The following SLC39A11 variants were observed in gnomAD, a reference collection of about 807,000 sequenced individuals.
SLC39A11 encodes solute carrier family 39 member 11.
A neutral mutation model predicts 36.1 loss-of-function variants in SLC39A11; 33 were observed. That is an observed-to-expected ratio of 0.91 (90% CI 0.69 to 1.22). The LOEUF (loss-of-function observed/expected upper bound fraction) is 1.22, where lower values mean the gene tolerates loss of function less well. SLC39A11 is among the 50% of genes most tolerant of loss of function. The pLI, the probability that SLC39A11 is intolerant of heterozygous loss-of-function variation, is 0.00. For synonymous variants in SLC39A11, 166 were observed against 170.3 expected (o/e 0.97, Z 0.20); for missense variants, 432 against 430.3 (o/e 1.00, Z -0.03).
At chr17:73,051,937 T>C (rs901638650) in intron 3 of SLC39A11, among the ~76,000 whole-genome samples, 4 of 150,390 alleles carry the variant, frequency 2.7e-5, no homozygotes, top group Non-Finnish European at 5.9e-5. Flanking sequence ...TCAAAGAAAA[T>C]GTATCATCAG....
At position 73,008,089 on chromosome 17, in the gene SLC39A11, C is replaced by A. The variant is rs143691665; in HGVS notation, c.306+23467G>T. Among the ~76,000 whole-genome samples the A allele has an allele frequency of 1.7e-3, 201 of 120,954 alleles. 1 individual carries two copies. Among genetic ancestry groups the A allele is most frequent in the African/African-American group, 5.0e-3 (187 of 37,256 alleles). 79.4% of individuals were successfully genotyped at this position (120,954 alleles called of 152,430 possible). The stretch of plus-strand genomic sequence containing the variant: ...CTGCACTCCAGCCTGGGTGACAGAG[C>A]GAGACTCAGTCTCAAAAAAAAGAAA... On this transcript the variant is annotated intron_variant, in intron 4 of 9. Transcript: ENST00000255559.
Position 72,846,018 on chromosome 17 carries a change from C to CTTTTTTTTTTTTTT in SLC39A11, c.601+3602_601+3615dup, listed in dbSNP as rs569100122. On this transcript the variant is annotated intron_variant, in intron 6 of 9. Coordinates refer to ENST00000255559, the MANE Select transcript of SLC39A11 (RefSeq NM_139177.4). ...CCAATGAATCTCTCTCTCTCTCTCT[C>CTTTTTTTTTTTTTT]TTTTTTTTTTTTTTTTTTTTTTTTT... is the stretch of plus-strand genomic sequence containing the variant. Among the ~76,000 whole-genome samples the CTTTTTTTTTTTTTT allele has an allele frequency of 1.4e-3, 84 of 57,954 alleles. 18 individuals carry two copies. Among genetic ancestry groups the CTTTTTTTTTTTTTT allele is most frequent in the East Asian group, 1.8e-3 (3 of 1,712 alleles). 38.0% of individuals were successfully genotyped at this position (57,954 alleles called of 152,430 possible).
intron 3 of SLC39A11, among the ~76,000 whole-genome samples, chr17:73,033,091 AC>A (rs896630315): frequency 6.6e-6 from 1 of 152,226 alleles, no homozygotes; most frequent in Non-Finnish European, 1.5e-5. Flanking sequence ...TAAGGAGCTC[AC>A]AACCTAGATC....
At chr17:73,090,904 C>T (rs1038789960) in intron 1 of SLC39A11, among the ~76,000 whole-genome samples, 3 of 152,160 alleles carry the variant, frequency 2.0e-5, no homozygotes, top group African/African-American at 7.2e-5. Flanking sequence ...GCATTGATCA[C>T]GGGCAATGCA....
rs559683928 is a variant in SLC39A11 at position 72,767,178 on chromosome 17, C to G, written c.602-30459G>C. ...TTGAGCTGCTTTTTGTGTTTCTTTC[C>G]TCATTCTTTAACTCTTACAACTAGT... On this transcript the variant is annotated intron_variant, in intron 6 of 9. Coordinates refer to ENST00000255559, the MANE Select transcript of SLC39A11 (RefSeq NM_139177.4). 1.2e-3 allele frequency among the ~76,000 whole-genome samples: 178 copies of G among 152,318 alleles called. 2 individuals carry two copies. The highest frequency in any genetic ancestry group is 3.4e-3 in the Admixed American group (52 of 15,304).
intron 6 of SLC39A11, among the ~76,000 whole-genome samples, chr17:72,797,704 G>A (rs899655171): frequency 1.3e-5 from 2 of 152,118 alleles, no homozygotes; most frequent in African/African-American, 2.4e-5. Context: ...CTCTGCAGAG[G>A]ATGGAGCTGA....
intron 6 of SLC39A11, among the ~76,000 whole-genome samples, chr17:72,804,222 T>A (rs370377526): frequency 6.6e-6 from 1 of 152,272 alleles, no homozygotes; most frequent in East Asian, 1.9e-4. Flanking sequence ...GTAAACACTA[T>A]CTTGATGCAT....
chr17:72,894,527 G>A lies in SLC39A11; in HGVS notation c.431-44723C>T, dbSNP rs542654593. On this transcript the variant is annotated intron_variant, in intron 5 of 9. Coordinates refer to ENST00000255559, the MANE Select transcript of SLC39A11 (RefSeq NM_139177.4). ...AAAAAAAAAAAAAAAAAAATTAGCC[G>A]GGTGTGGTGGCACGCACCTGTATTT... Among the ~76,000 whole-genome samples, 1,171 of 150,656 alleles carry A rather than the reference G, an allele frequency of 7.8e-3. 13 individuals carry two copies. The highest frequency in any genetic ancestry group is 0.031 in the Middle Eastern group (9 of 292).
chr17:72,667,923 C>A (rs573145974), intron 7 of SLC39A11, among the ~76,000 whole-genome samples: 2 of 152,374 alleles, frequency 1.3e-5, no homozygotes, highest in African/African-American at 4.8e-5. Context: ...AGCAGCCCAG[C>A]TGAAATTTCA....
chr17:72,739,271 C>A (rs1351021436), intron 6 of SLC39A11, among the ~76,000 whole-genome samples: 1 of 151,976 alleles, frequency 6.6e-6, no homozygotes, highest in Non-Finnish European at 1.5e-5. Flanking sequence ...GGACTACAGG[C>A]ATGCGCCACC....
intron 6 of SLC39A11, among the ~76,000 whole-genome samples, chr17:72,801,075 A>G (rs2145225423): frequency 6.6e-6 from 1 of 152,314 alleles, no homozygotes; most frequent in African/African-American, 2.4e-5. Flanking sequence ...AGACGACATG[A>G]TTTTATTTAT....
intron 7 of SLC39A11, among the ~76,000 whole-genome samples, chr17:72,677,262 G>A (rs138486658): frequency 6.6e-6 from 1 of 152,298 alleles, no homozygotes; most frequent in East Asian, 1.9e-4. Context: ...AAGAGGCTAA[G>A]TACATAAAAT....
At chr17:72,761,574 A>C (rs1353997378) in intron 6 of SLC39A11, among the ~76,000 whole-genome samples, 1 of 152,228 alleles carries the variant, frequency 6.6e-6, no homozygotes, top group Non-Finnish European at 1.5e-5. Flanking sequence ...CCTTCTAGCC[A>C]CCATGGGGTG....
At chr17:73,015,489 A>G (rs978939144) in intron 4 of SLC39A11, among the ~76,000 whole-genome samples, 6 of 152,186 alleles carry the variant, frequency 3.9e-5, no homozygotes, top group East Asian at 1.9e-4. Context: ...GAGTATTTCA[A>G]TGTACCCTGT....
At chr17:72,665,056 T>A (rs1382592621) in intron 7 of SLC39A11, among the ~76,000 whole-genome samples, 1 of 152,216 alleles carries the variant, frequency 6.6e-6, no homozygotes, top group Non-Finnish European at 1.5e-5. Context: ...ATAAAAGGCT[T>A]GTAGCTTCTT....
chr17:73,063,637 T>G (rs2059913208), intron 3 of SLC39A11, among the ~76,000 whole-genome samples: 1 of 151,874 alleles, frequency 6.6e-6, no homozygotes, highest in African/African-American at 2.4e-5. Context: ...AAATTAAAAT[T>G]AAAAATAAAA....
At chr17:72,900,153 A>AAAAG (rs201428795) in intron 5 of SLC39A11, among the ~76,000 whole-genome samples, 2,033 of 60,938 alleles carry the variant, frequency 0.033, 147 homozygotes, top group Admixed American at 0.043. Context: ...AGAAAGAAAG[A>AAAAG]AAAGAAAGAA....
intron 4 of SLC39A11, among the ~76,000 whole-genome samples, chr17:72,966,816 G>A (rs111861086): frequency 3.3e-5 from 5 of 152,106 alleles, no homozygotes; most frequent in South Asian, 2.1e-4. Context: ...TGATCCGCCC[G>A]CCTCAGCCTC....
intron 5 of SLC39A11, among the ~76,000 whole-genome samples, chr17:72,873,081 A>C (rs935023461): frequency 6.6e-6 from 1 of 151,058 alleles, no homozygotes; most frequent in Admixed American, 6.6e-5. Context: ...AAAAAAAAAA[A>C]GAATTATGGT....
Sources: allele counts gnomAD v4.1 joint callset (sites outside exome capture counted in the v4.1 genomes callset), GRCh38; gene constraint gnomAD v4.1.1; transcripts MANE v1.5; gene names NCBI Gene and HGNC (gene_info 2026-07-23, HGNC 2026-07-21).